ESCO2: variants seen among roughly 807,000 people sequenced by gnomAD.
ESCO2 encodes the protein establishment of sister chromatid cohesion N-acetyltransferase 2.
ESCO2 carries 51 observed loss-of-function variants against 61.7 expected under a neutral mutation model. The ratio of observed to expected loss-of-function variants is 0.83; its 90% CI spans 0.66 to 1.04. The LOEUF is 1.04. ESCO2 is among the 50% of genes least tolerant of loss of function. The pLI, the probability that ESCO2 is intolerant of heterozygous loss-of-function variation, is 0.00. For synonymous variants in ESCO2, 230 were observed against 238.2 expected, an observed-to-expected ratio of 0.97 and a Z score of 0.32; for missense variants, 692 against 686.2, an observed-to-expected ratio of 1.01 and a Z score of -0.09.
chr8:27,776,312 A>G, intron 2 of ESCO2, 50 bp from the exon 3 acceptor site: 1 of 1,496,920 alleles, frequency 6.7e-7, no homozygotes, highest in South Asian at 1.2e-5. Flanking sequence ...AGATTTATGT[A>G]AATTTTGACG....
intron 9 of ESCO2, among the ~76,000 whole-genome samples, chr8:27,794,142 A>T (rs1563477991): frequency 6.6e-6 from 1 of 152,176 alleles, no homozygotes; most frequent in African/African-American, 2.4e-5. Context: ...TCATCCATTG[A>T]TGGACACTTA....
intron 9 of ESCO2, among the ~76,000 whole-genome samples, chr8:27,797,756 C>A (rs1399974252): frequency 1.3e-5 from 2 of 152,136 alleles, no homozygotes; most frequent in African/African-American, 4.8e-5. Context: ...ATAAAATATC[C>A]TATAATATAA....
chr8:27,789,606 C>A (rs1805128297), intron 7 of ESCO2, among the ~76,000 whole-genome samples: 1 of 151,968 alleles, frequency 6.6e-6, no homozygotes, highest in Admixed American at 6.6e-5. Flanking sequence ...ATGGCGAAAA[C>A]CTGTCTCTAC....
downstream of ESCO2, among the ~76,000 whole-genome samples, chr8:27,816,359 T>TATATATATATATATATATATA (rs1563489324): frequency 2.7e-3 from 338 of 125,978 alleles, 2 homozygotes; most frequent in East Asian, 9.6e-3. Context: ...ATATATATAT[T>TATATATATATATATATATATA]TATTTATTTA....
intron 9 of ESCO2, among the ~76,000 whole-genome samples, chr8:27,796,911 A>G (rs1443566844): frequency 6.6e-6 from 1 of 152,134 alleles, no homozygotes; most frequent in Non-Finnish European, 1.5e-5. Flanking sequence ...GCTTGAGGCT[A>G]AGAGTTCAAG....
downstream of ESCO2, chr8:27,811,129 C>T (rs1805672926): frequency 1.9e-6 from 3 of 1,613,744 alleles, no homozygotes; most frequent in Non-Finnish European, 2.5e-6. Flanking sequence ...GCCTCAGGGT[C>T]AGTCACTGAA....
At chr8:27,817,067 C>A (rs1805831719), downstream of ESCO2, among the ~76,000 whole-genome samples, 1 of 152,098 alleles carries the variant, frequency 6.6e-6, no homozygotes, top group Non-Finnish European at 1.5e-5. Context: ...GAAATGCCTT[C>A]CCTGAGCATA....
chr8:27,808,693 A>AAAAAG, downstream of ESCO2, among the ~76,000 whole-genome samples: 1 of 151,788 alleles, frequency 6.6e-6, no homozygotes, highest in African/African-American at 2.4e-5. Context: ...TCAAAAAAAA[A>AAAAAG]AAAAAAAAAA....
chr8:27,786,348 C>G (rs186274287), intron 5 of ESCO2, among the ~76,000 whole-genome samples: 3 of 152,328 alleles, frequency 2.0e-5, no homozygotes, highest in Non-Finnish European at 4.4e-5. Flanking sequence ...AGGTAAAGGT[C>G]AGCTGCTTGA....
At chr8:27,790,296 A>G (rs1170381581) in intron 7 of ESCO2, among the ~76,000 whole-genome samples, 2 of 152,196 alleles carry the variant, frequency 1.3e-5, no homozygotes, top group Non-Finnish European at 2.9e-5. Context: ...TTACAAATAC[A>G]TTCTCCCTGT....
Position 27,783,991 on chromosome 8 carries a change from C to T in ESCO2, c.956-9C>T. 1 of 1,608,874 alleles carries T rather than the reference C, an allele frequency of 6.2e-7. No homozygotes were observed. Among genetic ancestry groups the T allele is most frequent in the Non-Finnish European group, 8.5e-7 (1 of 1,175,490 alleles). ...GTAATACACATTATCATGATTTTTC[C>T]CCTACCAGTTTCTCCTAAGTCCACT... On this transcript the variant is annotated splice_polypyrimidine_tract_variant and intron_variant, in intron 4 of 10. Transcript: ENST00000305188.
chr8:27,786,825 T>C (rs1333316431), intron 5 of ESCO2, among the ~76,000 whole-genome samples: 3 of 150,788 alleles, frequency 2.0e-5, no homozygotes, highest in Non-Finnish European at 3.0e-5. Flanking sequence ...TTTTTTTTTT[T>C]CCTGTTGTTT....
At position 27,795,958 on chromosome 8, in the gene ESCO2, C is replaced by G. The variant is rs148275381; in HGVS notation, c.1497+3147C>G. On this transcript the variant is annotated intron_variant, in intron 9 of 10. Transcript: ENST00000305188. The stretch of plus-strand genomic sequence containing the variant: ...TGGCTTTGGTATCAGATTAATCTGG[C>G]CTTGCAAAATGACTTTGGAGGTATT... 2.2e-3 allele frequency among the ~76,000 whole-genome samples: 340 copies of G among 151,486 alleles called. 1 individual carries two copies. Among genetic ancestry groups the G allele is most frequent in the African/African-American group, 7.8e-3 (321 of 41,146 alleles).
intron 5 of ESCO2, among the ~76,000 whole-genome samples, chr8:27,784,996 G>C (rs1742450488): frequency 6.6e-6 from 1 of 152,198 alleles, no homozygotes; most frequent in Admixed American, 6.5e-5. Context: ...GAAGATGGGA[G>C]CTGTCTTAGT....
Position 27,795,011 on chromosome 8 carries a change from TTATG to T in ESCO2, c.1497+2201_1497+2204del, listed in dbSNP as rs1805262917. Among the ~76,000 whole-genome samples the T allele has an allele frequency of 2.6e-5, 4 of 152,218 alleles. No homozygotes were observed. In the South Asian group the frequency reaches 8.3e-4, roughly 32 times the overall value. ...GATTGCTTTGGCCGTTTGGAATCTC[TTATG>T]GTTCCACAAGATTTTAGGACTGTTT... is the stretch of plus-strand genomic sequence containing the variant. On this transcript the variant is annotated intron_variant, in intron 9 of 10. Coordinates refer to ENST00000305188, the MANE Select transcript of ESCO2 (RefSeq NM_001017420.3).
chr8:27,786,221 G>GAAGACA (rs1805038233), intron 5 of ESCO2, among the ~76,000 whole-genome samples: 1 of 152,204 alleles, frequency 6.6e-6, no homozygotes, highest in Non-Finnish European at 1.5e-5. Flanking sequence ...ACGCAGAAAT[G>GAAGACA]AAGACAAAGA....
At chr8:27,817,226 A>G (rs1486746380), downstream of ESCO2, among the ~76,000 whole-genome samples, 1 of 152,152 alleles carries the variant, frequency 6.6e-6, no homozygotes, top group Non-Finnish European at 1.5e-5. Context: ...TTTCATCTTG[A>G]TGAAAAGTAT....
chr8:27,796,798 G>T (rs982814887), intron 9 of ESCO2, among the ~76,000 whole-genome samples: 14 of 152,198 alleles, frequency 9.2e-5, no homozygotes, highest in African/African-American at 2.9e-4. Flanking sequence ...ATGTGTTTCT[G>T]TTAGGTCCAT....
At position 27,776,352 on chromosome 8, in the gene ESCO2, CT is replaced by C; in HGVS notation, c.54-5del. On this transcript the variant is annotated splice_polypyrimidine_tract_variant and intron_variant, in intron 2 of 10. Transcript: ENST00000305188. The stretch of plus-strand genomic sequence containing the variant: ...ATAATCTTATCAATGGACTTTGTTT[CT>C]TTTTATAGCCTTTTACACTTCACTG... 1.3e-6 allele frequency: 2 copies of C among 1,596,364 alleles called. No homozygotes were observed. The highest frequency in any genetic ancestry group is 1.7e-6 in the Non-Finnish European group (2 of 1,169,718).
Sources: gnomAD v4.1 joint callset for allele counts (sites outside exome capture counted in the v4.1 genomes callset) on GRCh38, gnomAD v4.1.1 for gene constraint, MANE v1.5 for transcripts, NCBI Gene and HGNC (gene_info 2026-07-23, HGNC 2026-07-21) for gene names.